The following ABR variants were observed in gnomAD, a reference collection of about 807,000 sequenced individuals.
ABR encodes active breakpoint cluster region-related protein.
Under a neutral mutation model 107.2 loss-of-function variants are expected in ABR, and 35 were observed. The ratio of observed to expected loss-of-function variants is 0.33; its 90% CI spans 0.25 to 0.43. The LOEUF is 0.43. Among genes scored for constraint, ABR ranks in the 20% least tolerant of loss-of-function variants. ABR has a pLI of 1.00. For synonymous variants in ABR, 498 were observed against 462.0 expected (o/e 1.08, Z -1.00); for missense variants, 815 against 1,115.2 (o/e 0.73, Z 3.83).
chr17:1,226,250 C>G (rs1311020080), intron 1 of ABR, among the ~76,000 whole-genome samples: 1 of 152,198 alleles, frequency 6.6e-6, no homozygotes, highest in Non-Finnish European at 1.5e-5. Flanking sequence ...GCACTAATTT[C>G]AATGAGCTGT....
At chr17:1,212,294 G>C (rs2042917796) in intron 1 of ABR, among the ~76,000 whole-genome samples, 1 of 151,852 alleles carries the variant, frequency 6.6e-6, no homozygotes, top group Non-Finnish European at 1.5e-5. Flanking sequence ...AGCCAGGTGT[G>C]GTGGTACATG....
At chr17:1,169,371 G>A (rs571798951) in intron 1 of ABR, among the ~76,000 whole-genome samples, 2 of 152,332 alleles carry the variant, frequency 1.3e-5, no homozygotes, top group East Asian at 1.9e-4. Context: ...ATGTGAGAAC[G>A]CTCGCTCTAC....
chr17:1,078,960 CACGG>C lies in ABR; in HGVS notation c.700+366_700+369del. 6.6e-7 allele frequency: 1 copy of C among 1,516,994 alleles called. No individual in the cohort carries two copies. Among genetic ancestry groups the C allele is most frequent in the Non-Finnish European group, 8.8e-7 (1 of 1,135,734 alleles). 94.0% of individuals were successfully genotyped at this position (1,516,994 alleles called of 1,614,324 possible). On this transcript the variant is annotated intron_variant, in intron 6 of 22. Transcript: ENST00000302538. This position sits in a 1 kb window ranked among gnomAD's most constrained non-coding sequence, Gnocchi z 7.5. The stretch of plus-strand genomic sequence containing the variant: ...CTCAGCCACCTTGCTGATGCTGCCG[CACGG>C]ACTCCAGCATCGGGCAGCCGCTCCG...
intron 1 of ABR, among the ~76,000 whole-genome samples, chr17:1,173,516 A>C (rs1350533301): frequency 6.6e-6 from 1 of 151,740 alleles, no homozygotes; most frequent in Non-Finnish European, 1.5e-5. Context: ...CTGGCAGTGA[A>C]GTCCTCCAAT....
intron 2 of ABR, among the ~76,000 whole-genome samples, chr17:1,101,853 C>T (rs906390702): frequency 3.3e-5 from 5 of 151,968 alleles, no homozygotes; most frequent in Non-Finnish European, 2.9e-5. Context: ...CCTGCCTCAG[C>T]CTCCCGAGTA....
chr17:1,146,834 C>G (rs1285645202), intron 1 of ABR, among the ~76,000 whole-genome samples: 1 of 140,882 alleles, frequency 7.1e-6, no homozygotes, highest in African/African-American at 2.6e-5. Flanking sequence ...CACACGACAC[C>G]ACTGCCACCA....
At chr17:1,203,114 G>C (rs1265712505) in intron 1 of ABR, among the ~76,000 whole-genome samples, 3 of 152,074 alleles carry the variant, frequency 2.0e-5, no homozygotes, top group East Asian at 3.9e-4. Context: ...TCGAACTCCC[G>C]ACCTCAGGTG....
At chr17:1,012,892 T>C (rs1323107100) in intron 17 of ABR, 95 bp from the exon 18 acceptor site, 5 of 1,162,496 alleles carry the variant, frequency 4.3e-6, no homozygotes, top group Non-Finnish European at 6.3e-6. Flanking sequence ...AGACTGCAAA[T>C]GAGGGCTAGC....
At chr17:1,207,373 T>A (rs1041276502) in intron 1 of ABR, among the ~76,000 whole-genome samples, 3 of 152,012 alleles carry the variant, frequency 2.0e-5, no homozygotes, top group Non-Finnish European at 4.4e-5. Context: ...TATTTGGCCG[T>A]GTGCAGTGGC....
intron 2 of ABR, among the ~76,000 whole-genome samples, chr17:1,102,780 A>G (rs759016106): frequency 2.6e-5 from 4 of 152,140 alleles, no homozygotes; most frequent in Non-Finnish European, 5.9e-5. Flanking sequence ...GCATGATCTC[A>G]GCTCACTGCA....
chr17:1,142,836 T>C (rs1196590815), intron 1 of ABR, among the ~76,000 whole-genome samples: 1 of 152,136 alleles, frequency 6.6e-6, no homozygotes, highest in Non-Finnish European at 1.5e-5. Flanking sequence ...CGGCCTGGCC[T>C]GTAGCAGCCA....
intron 2 of ABR, among the ~76,000 whole-genome samples, chr17:1,121,191 G>C (rs1315857777): frequency 6.6e-6 from 1 of 152,228 alleles, no homozygotes; most frequent in Non-Finnish European, 1.5e-5. Flanking sequence ...GGACACAAAA[G>C]AAGACAAAGG....
intron 16 of ABR, among the ~76,000 whole-genome samples, chr17:1,019,429 C>G (rs2071448980): frequency 1.3e-5 from 2 of 152,220 alleles, no homozygotes; most frequent in South Asian, 4.1e-4. Flanking sequence ...CCCTCAAGCC[C>G]TGACATCTTC....
chr17:1,191,573 C>T (rs374676217), upstream of ABR, among the ~76,000 whole-genome samples: 76 of 152,082 alleles, frequency 5.0e-4, no homozygotes, highest in African/African-American at 1.6e-3. Context: ...TCAGGCTGGT[C>T]TCGAACTCCT....
intron 1 of ABR, among the ~76,000 whole-genome samples, chr17:1,224,912 G>A (rs2043185508): frequency 6.6e-6 from 1 of 151,986 alleles, no homozygotes; most frequent in Admixed American, 6.6e-5. Flanking sequence ...CACTTTGGGA[G>A]GCTGAGATGG....
rs1192459993 is a variant in ABR, at chr17:1,031,861, C to CGCG, written c.1791+18188_1791+18189insCGC. ...TTCCCCGCGCTCGCCTCCCTCCCTC[C>CGCG]CTCCCTCCCCGCGCTCCCCTCCCTC... On this transcript the variant is annotated intron_variant, in intron 16 of 22. Coordinates refer to ENST00000302538, the MANE Select transcript of ABR (RefSeq NM_021962.5). 8.7e-4 allele frequency: 1,042 copies of CGCG among 1,203,824 alleles called. 12 individuals are homozygous for CGCG. In the African/African-American group the frequency reaches 0.015, roughly 17 times the overall value. 74.6% of individuals were successfully genotyped at this position (1,203,824 alleles called of 1,614,324 possible).
chr17:1,033,194 C>G (rs1460895525), intron 16 of ABR, among the ~76,000 whole-genome samples: 1 of 152,196 alleles, frequency 6.6e-6, no homozygotes, highest in African/African-American at 2.4e-5. Context: ...AGAGACGAGC[C>G]CTCGGCATCC....
Position 1,012,076 on chromosome 17 carries a change from C to G in ABR, c.1962-91G>C, listed in dbSNP as rs752165986. ...CCCAGCACACACACACCCTGGAGAG[C>G]TTCTAGCATTTGGGATGGAGAGCTG... On this transcript the variant is annotated intron_variant, in intron 18 of 22. Transcript: ENST00000302538. The G allele has an allele frequency of 2.1e-5, 34 of 1,588,988 alleles. No homozygotes were observed. In the African/African-American group the frequency reaches 4.4e-4, roughly 21 times the overall value.
chr17:1,087,251 C>T lies in ABR; in HGVS notation c.532-3624G>A, dbSNP rs79842027. On this transcript the variant is annotated intron_variant, in intron 4 of 22. Coordinates refer to ENST00000302538, the MANE Select transcript of ABR (RefSeq NM_021962.5). Reference sequence around the variant, plus strand: ...AGTGGGCTGCTGTGGACCCCCACCCCGGACCACTCTGCTTTCTGCAGGATC... The same window carrying T: ...AGTGGGCTGCTGTGGACCCCCACCCTGGACCACTCTGCTTTCTGCAGGATC... Among the ~76,000 whole-genome samples the T allele has an allele frequency of 7.8e-3, 1,182 of 152,346 alleles. 15 individuals carry two copies. The highest frequency in any genetic ancestry group is 0.027 in the African/African-American group (1,136 of 41,574).
Sources: allele counts gnomAD v4.1 joint callset (sites outside exome capture counted in the v4.1 genomes callset), GRCh38; gene constraint gnomAD v4.1.1; non-coding constraint Gnocchi (gnomAD v3.1); transcripts MANE v1.5; gene names NCBI Gene and HGNC (gene_info 2026-07-23, HGNC 2026-07-21).